HS3ST4: variants seen among roughly 807,000 people sequenced by gnomAD.
HS3ST4 encodes the protein heparan sulfate glucosamine 3-O-sulfotransferase 4.
Under a neutral mutation model 29.2 loss-of-function variants are expected in HS3ST4, and 17 were observed. The observed-to-expected ratio is 0.58, with a 90% CI of 0.40 to 0.87. The LOEUF (loss-of-function observed/expected upper bound fraction) is 0.87. Ranked by LOEUF, HS3ST4 falls within the 40% of genes least tolerant of loss-of-function variation. HS3ST4 has a pLI of 0.00. For synonymous variants in HS3ST4, 314 were observed against 285.7 expected (o/e 1.10, Z -1.00); for missense variants, 627 against 634.5 (o/e 0.99, Z 0.13).
At chr16:26,083,595 C>T (rs1432439768) in intron 1 of HS3ST4, among the ~76,000 whole-genome samples, 3 of 152,058 alleles carry the variant, frequency 2.0e-5, no homozygotes, top group Non-Finnish European at 4.4e-5. Flanking sequence ...ACAGACAGTA[C>T]AGAAATCAAT....
intron 1 of HS3ST4, among the ~76,000 whole-genome samples, chr16:26,078,378 G>C (rs1400061984): frequency 6.6e-6 from 1 of 152,144 alleles, no homozygotes; most frequent in Non-Finnish European, 1.5e-5. Flanking sequence ...TCGATCTCCT[G>C]ACTTCGTGAT....
intron 1 of HS3ST4, among the ~76,000 whole-genome samples, chr16:25,757,710 G>A (rs546069848): frequency 4.2e-4 from 64 of 151,960 alleles, no homozygotes; most frequent in African/African-American, 1.5e-3. Flanking sequence ...CTAATTTAGA[G>A]GGAACATCAA....
At chr16:25,700,111 T>C (rs1966325050) in intron 1 of HS3ST4, among the ~76,000 whole-genome samples, 1 of 152,226 alleles carries the variant, frequency 6.6e-6, no homozygotes, top group Admixed American at 6.5e-5. Flanking sequence ...TTTTAAACCC[T>C]GAAGCAGCTC....
intron 1 of HS3ST4, among the ~76,000 whole-genome samples, chr16:25,846,817 T>A (rs1179191232): frequency 1.3e-5 from 2 of 152,140 alleles, no homozygotes; most frequent in African/African-American, 4.8e-5. Context: ...ACAGTGGAGA[T>A]GAAGTTTTCT....
intron 1 of HS3ST4, among the ~76,000 whole-genome samples, chr16:25,711,759 C>G (rs1352427178): frequency 6.6e-6 from 1 of 152,116 alleles, no homozygotes; most frequent in Non-Finnish European, 1.5e-5. Context: ...AGTGGAAAAG[C>G]TTACGAAGCC....
intron 1 of HS3ST4, among the ~76,000 whole-genome samples, chr16:25,993,635 A>T (rs1373254976): frequency 6.6e-6 from 1 of 151,942 alleles, no homozygotes; most frequent in Non-Finnish European, 1.5e-5. Context: ...TGTTAATACC[A>T]AGCTCATACT....
chr16:25,692,637 G>A lies in HS3ST4; in HGVS notation c.220G>A (p.Glu74Lys). The A allele has an allele frequency of 1.5e-6, 2 of 1,359,768 alleles. No homozygotes were observed. Among genetic ancestry groups the A allele is most frequent in the South Asian group, 1.6e-5 (1 of 63,064 alleles). 84.2% of individuals were successfully genotyped at this position (1,359,768 alleles called of 1,614,324 possible). A position where few individuals can be genotyped will look rare whatever the true frequency, so the allele number is the denominator to read the frequency against. The change falls in exon 1 of 2, where the codon GAG becomes AAG. Residue 74 changes from glutamate (E) to lysine (K), a missense_variant. Coordinates refer to ENST00000331351, the MANE Select transcript of HS3ST4 (RefSeq NM_006040.3). ...GCAGGAGTCGCCGGGCGCCGCCGCC[G>A]AGCCCCCGCCGAGCCCGCCGCCACC... ...ALQESPGAAA[E>K]PPPSPPPPSL...
chr16:25,764,197 C>T (rs1213445838), intron 1 of HS3ST4, among the ~76,000 whole-genome samples: 1 of 152,178 alleles, frequency 6.6e-6, no homozygotes, highest in Non-Finnish European at 1.5e-5. Context: ...CAGGGAGGTG[C>T]TCACAGGCAG....
At chr16:25,966,795 GC>G (rs374933489) in intron 1 of HS3ST4, among the ~76,000 whole-genome samples, 6 of 152,284 alleles carry the variant, frequency 3.9e-5, no homozygotes, top group African/African-American at 1.4e-4. Context: ...TGGGAGATAT[GC>G]CTGGAATATG....
chr16:25,700,311 A>C (rs534696603), intron 1 of HS3ST4, among the ~76,000 whole-genome samples: 20 of 152,272 alleles, frequency 1.3e-4, no homozygotes, highest in African/African-American at 4.8e-4. Flanking sequence ...AGCCTCCAGT[A>C]GGAATGGATG....
At chr16:25,988,564 T>C (rs968600809) in intron 1 of HS3ST4, among the ~76,000 whole-genome samples, 8 of 152,240 alleles carry the variant, frequency 5.3e-5, no homozygotes, top group African/African-American at 1.9e-4. Flanking sequence ...ACAGCTAAGT[T>C]ATCTCTAGGA....
intron 1 of HS3ST4, among the ~76,000 whole-genome samples, chr16:26,069,023 C>T (rs1352895016): frequency 1.3e-5 from 2 of 152,196 alleles, no homozygotes; most frequent in East Asian, 3.8e-4. Flanking sequence ...TCAGTCACAA[C>T]TCACTGCAGC....
At position 25,715,253 on chromosome 16, in the gene HS3ST4, C is replaced by T. The variant is rs182706811; in HGVS notation, c.734+22102C>T. On this transcript the variant is annotated intron_variant, in intron 1 of 1. Coordinates refer to ENST00000331351, the MANE Select transcript of HS3ST4 (RefSeq NM_006040.3). ...AGGAGAATGGCGTGAACCCGGGAAG[C>T]GGAGCTTGCAGTGAGCCGAGATCGC... Among the ~76,000 whole-genome samples the T allele has an allele frequency of 2.9e-3, 427 of 144,856 alleles. 4 individuals are homozygous for T. Among genetic ancestry groups the T allele is most frequent in the Non-Finnish European group, 4.2e-3 (283 of 67,036 alleles).
intron 1 of HS3ST4, among the ~76,000 whole-genome samples, chr16:25,703,534 C>G (rs539247463): frequency 6.6e-6 from 1 of 152,226 alleles, no homozygotes; most frequent in Non-Finnish European, 1.5e-5. Context: ...TGGCCTCAAG[C>G]ATACGTTCTT....
chr16:25,913,718 TGTG>T (rs1318599401), intron 1 of HS3ST4, among the ~76,000 whole-genome samples: 1 of 151,606 alleles, frequency 6.6e-6, no homozygotes, highest in African/African-American at 2.4e-5. Flanking sequence ...GTGTGTGTAG[TGTG>T]GTGTATGTGT....
At chr16:26,084,670 A>G (rs13339544) in intron 1 of HS3ST4, among the ~76,000 whole-genome samples, 91,811 of 151,996 alleles carry the variant, frequency 0.6, 28,454 homozygotes, top group African/African-American at 0.71. Context: ...GTACAGTAGC[A>G]TGATCATAGC....
At position 25,813,580 on chromosome 16, in the gene HS3ST4, A is replaced by G. The variant is rs140101895; in HGVS notation, c.734+120429A>G. Among the ~76,000 whole-genome samples the G allele has an allele frequency of 5.3e-5, 8 of 152,318 alleles. No homozygotes were observed. In the East Asian group the frequency reaches 1.2e-3, roughly 22 times the overall value. The stretch of plus-strand genomic sequence containing the variant: ...CCATTGCAATCTAGCCTGGGCAGCA[A>G]CAGCGAAACTGTCTCAAACAAATAA... On this transcript the variant is annotated intron_variant, in intron 1 of 1. Transcript: ENST00000331351.
At chr16:25,753,016 G>C (rs1384998164) in intron 1 of HS3ST4, among the ~76,000 whole-genome samples, 3 of 152,236 alleles carry the variant, frequency 2.0e-5, no homozygotes, top group Non-Finnish European at 2.9e-5. Context: ...CCACAAAGAA[G>C]ATTCAGTTAG....
rs894330471 is a variant in HS3ST4 at position 25,692,513 on chromosome 16, G to T, written c.96G>T (p.Ala32=). The change falls in exon 1 of 2, where the codon GCG becomes GCT. Residue 32 remains alanine (A), a synonymous_variant. Transcript: ENST00000331351. ...GCGCCTCTGCTAAGGGGCCGCCGGC[G>T]CGCAAGCTGCTTTTTATGTGCACCT... The part of the protein sequence containing the change: ...PPGASAKGPP[A]RKLLFMCTLS... 23 of 1,414,702 alleles carry T rather than the reference G, an allele frequency of 1.6e-5. No homozygotes were observed. In the African/African-American group the frequency reaches 2.9e-4, roughly 18 times the overall value. 87.6% of individuals were successfully genotyped at this position (1,414,702 alleles called of 1,614,324 possible).
Sources: gnomAD v4.1 joint callset for allele counts (sites outside exome capture counted in the v4.1 genomes callset) on GRCh38, gnomAD v4.1.1 for gene constraint, MANE v1.5 for transcripts, NCBI Gene and HGNC (gene_info 2026-07-23, HGNC 2026-07-21) for gene names.